The following EPB41L5 variants were observed in gnomAD, a reference collection of about 807,000 sequenced individuals.
EPB41L5 encodes band 4.1-like protein 5.
A neutral mutation model predicts 106.6 loss-of-function variants in EPB41L5; 55 were observed. The ratio of observed to expected loss-of-function variants is 0.52; its 90% CI spans 0.42 to 0.65. The LOEUF (loss-of-function observed/expected upper bound fraction) is 0.65. Ranked by LOEUF, EPB41L5 falls within the 30% of genes least tolerant of loss-of-function variation. EPB41L5 has a pLI of 0.00. For missense variants in EPB41L5, 871 were observed against 882.1 expected (o/e 0.99, Z 0.16); for synonymous variants, 297 against 306.7 (o/e 0.97, Z 0.33).
intron 2 of EPB41L5, among the ~76,000 whole-genome samples, chr2:120,036,659 G>T (rs768981677): frequency 6.6e-6 from 1 of 152,078 alleles, no homozygotes; most frequent in East Asian, 1.9e-4. Flanking sequence ...TTTTCTAAAA[G>T]ATATTAACAA....
At chr2:120,055,942 C>T (rs370528319) in intron 3 of EPB41L5, among the ~76,000 whole-genome samples, 1 of 151,864 alleles carries the variant, frequency 6.6e-6, no homozygotes, top group Admixed American at 6.6e-5. Context: ...CTTTTCTTTC[C>T]TCAGTGCCCT....
At chr2:120,027,745 T>C (rs1044558762) in intron 2 of EPB41L5, among the ~76,000 whole-genome samples, 4 of 152,198 alleles carry the variant, frequency 2.6e-5, no homozygotes, top group African/African-American at 9.6e-5. Context: ...TGTTCTAAAA[T>C]TGATTTTTGT....
rs948292644 is a variant in EPB41L5, at chr2:120,041,972, A to G, written c.181-34A>G. Reference sequence around the variant, plus strand: ...TTCAGGCTTGTTGATCTTATAAACCACTTATTGATTTACTTATTATCTTGC... The same window carrying G: ...TTCAGGCTTGTTGATCTTATAAACCGCTTATTGATTTACTTATTATCTTGC... On this transcript the variant is annotated intron_variant, in intron 2 of 24. Transcript: ENST00000263713. The G allele has an allele frequency of 2.7e-6, 4 of 1,496,312 alleles. No individual in the cohort carries two copies. In the African/African-American group the frequency reaches 5.5e-5, roughly 21 times the overall value. 92.7% of individuals were successfully genotyped at this position (1,496,312 alleles called of 1,614,324 possible). A position where few individuals can be genotyped will look rare whatever the true frequency, so the allele number is the denominator to read the frequency against.
intron 16 of EPB41L5, among the ~76,000 whole-genome samples, chr2:120,123,464 A>G (rs1436597428): frequency 6.6e-6 from 1 of 152,098 alleles, no homozygotes; most frequent in Non-Finnish European, 1.5e-5. Flanking sequence ...ATTGATCCAT[A>G]TAAAGTCAAC....
intron 24 of EPB41L5, among the ~76,000 whole-genome samples, chr2:120,173,547 A>G (rs1170404510): frequency 2.0e-5 from 3 of 152,248 alleles, no homozygotes; most frequent in Non-Finnish European, 4.4e-5. Flanking sequence ...CAGGAAAAGA[A>G]TCAGTTGAAA....
chr2:120,085,918 G>T (rs1006354317), intron 10 of EPB41L5, among the ~76,000 whole-genome samples: 2 of 152,174 alleles, frequency 1.3e-5, no homozygotes, highest in African/African-American at 4.8e-5. Context: ...GCACTTAGAA[G>T]AATACTTAGG....
chr2:120,115,816 T>C (rs981710764), intron 16 of EPB41L5, among the ~76,000 whole-genome samples: 4 of 152,110 alleles, frequency 2.6e-5, no homozygotes, highest in Non-Finnish European at 5.9e-5. Flanking sequence ...CGTTACGTTA[T>C]GTTATTTTTC....
intron 3 of EPB41L5, among the ~76,000 whole-genome samples, chr2:120,042,947 G>A (rs1276547690): frequency 3.3e-5 from 5 of 151,752 alleles, no homozygotes; most frequent in Admixed American, 3.3e-4. Flanking sequence ...CAGAGGAAGA[G>A]ACCACAGATG....
intron 1 of EPB41L5, among the ~76,000 whole-genome samples, chr2:120,017,235 G>C (rs1047644031): frequency 2.0e-4 from 30 of 152,194 alleles, no homozygotes; most frequent in African/African-American, 7.0e-4. Context: ...TTAAATTCTA[G>C]TAATGACCTG....
At chr2:120,100,661 G>A (rs777963732) in intron 15 of EPB41L5, 38 bp from the exon 16 acceptor site, 17 of 1,467,058 alleles carry the variant, frequency 1.2e-5, no homozygotes, top group Admixed American at 5.1e-5. Context: ...ATCTGTTATC[G>A]AGGCAAAATA....
chr2:120,016,681 A>C (rs1192772022), intron 1 of EPB41L5, among the ~76,000 whole-genome samples: 3 of 152,020 alleles, frequency 2.0e-5, no homozygotes, highest in Non-Finnish European at 2.9e-5. Context: ...TTTGATGTAG[A>C]GTCTCAGTCT....
At chr2:120,056,067 A>T (rs1188735862) in intron 3 of EPB41L5, among the ~76,000 whole-genome samples, 11 of 152,018 alleles carry the variant, frequency 7.2e-5, no homozygotes. Flanking sequence ...ATGGTGTGGG[A>T]ATTTTATAGA....
chr2:120,018,964 G>A (rs1359596009), intron 1 of EPB41L5, 113 bp from the exon 2 acceptor site: 9 of 940,772 alleles, frequency 9.6e-6, no homozygotes, highest in East Asian at 4.9e-5. Context: ...CTTTTTAGTA[G>A]CATTTCTACT....
rs1190635638 is a variant in EPB41L5 at position 120,178,730 on chromosome 2, T to C, written c.*3823T>C. On this transcript the variant is annotated 3_prime_UTR_variant, in exon 25 of 25. Transcript: ENST00000263713. Reference sequence around the variant, plus strand: ...GGTTGTGTTAACACATTGGTAGAGCTATGATTCCTTCCCAGTTCTAAGAGA... The same window carrying C: ...GGTTGTGTTAACACATTGGTAGAGCCATGATTCCTTCCCAGTTCTAAGAGA... The C allele has an allele frequency of 6.6e-6, 1 of 152,254 alleles. No homozygotes were observed. Among genetic ancestry groups the C allele is most frequent in the Non-Finnish European group, 1.5e-5 (1 of 68,046 alleles). 9.4% of individuals were successfully genotyped at this position (152,254 alleles called of 1,614,324 possible).
At chr2:120,018,730 T>C (rs1677717335) in intron 1 of EPB41L5, among the ~76,000 whole-genome samples, 1 of 152,138 alleles carries the variant, frequency 6.6e-6, no homozygotes, top group Non-Finnish European at 1.5e-5. Flanking sequence ...CACTGCCGCT[T>C]TGACTGCCTG....
chr2:120,163,552 C>A (rs1410305938), intron 21 of EPB41L5, among the ~76,000 whole-genome samples: 1 of 150,848 alleles, frequency 6.6e-6, no homozygotes, highest in Non-Finnish European at 1.5e-5. Context: ...ATTTAGGCAC[C>A]TCCTTTATCC....
chr2:120,020,832 G>A (rs71338943), intron 2 of EPB41L5, among the ~76,000 whole-genome samples: 5,425 of 33,234 alleles, frequency 0.16, 132 homozygotes, highest in Non-Finnish European at 0.29. Flanking sequence ...AAAAAAAAGA[G>A]GTTTTTAAAA....
In EPB41L5 at chr2:120,078,573, A is replaced by AT. The variant is rs35675992; in HGVS notation, c.802dup (p.Trp268LeufsTer10). 1.9e-6 allele frequency: 3 copies of AT among 1,604,490 alleles called. No homozygotes were observed. Among genetic ancestry groups the AT allele is most frequent in the South Asian group, 2.2e-5 (2 of 90,010 alleles). On this transcript the variant is annotated frameshift_variant, in exon 10 of 25. Transcript: ENST00000263713. LOFTEE classifies it high-confidence loss of function. Reference sequence around the variant, plus strand: ...TTGAAGGAGATACCAAAATTGGCTTATTTTTTTGGTAAGCAAGAGTTATTG... The same window carrying AT: ...TTGAAGGAGATACCAAAATTGGCTTATTTTTTTTGGTAAGCAAGAGTTATTG...
At chr2:120,063,556 G>A (rs533855950) in intron 3 of EPB41L5, among the ~76,000 whole-genome samples, 1 of 151,948 alleles carries the variant, frequency 6.6e-6, no homozygotes, top group East Asian at 1.9e-4. Context: ...TTATTACCTG[G>A]GTGGCAAAAT....
Sources: gnomAD v4.1 joint callset for allele counts (sites outside exome capture counted in the v4.1 genomes callset) on GRCh38, gnomAD v4.1.1 for gene constraint, MANE v1.5 for transcripts, NCBI Gene and HGNC (gene_info 2026-07-23, HGNC 2026-07-21) for gene names.